The following BCO2 variants were observed in gnomAD, a reference collection of about 807,000 sequenced individuals.
BCO2 encodes the protein beta-carotene oxygenase 2.
Under a neutral mutation model 65.8 loss-of-function variants are expected in BCO2, and 56 were observed. That is an observed-to-expected ratio of 0.85 (90% confidence interval 0.69 to 1.06). The LOEUF (loss-of-function observed/expected upper bound fraction) is 1.06. Ranked by LOEUF, BCO2 falls within the 50% of genes least tolerant of loss-of-function variation. The pLI, the probability that BCO2 is intolerant of heterozygous loss-of-function variation, is 0.00. For synonymous variants in BCO2, 233 were observed against 242.3 expected (o/e 0.96, Z 0.36); for missense variants, 675 against 698.5 (o/e 0.97, Z 0.38).
At chr11:112,188,269 C>T (rs373965112) in intron 2 of BCO2, among the ~76,000 whole-genome samples, 1 of 152,214 alleles carries the variant, frequency 6.6e-6, no homozygotes, top group Non-Finnish European at 1.5e-5. Flanking sequence ...CTCTCTTTGT[C>T]GCTGTCTACA....
At chr11:112,197,194 T>G (rs1867605694) in intron 5 of BCO2, among the ~76,000 whole-genome samples, 1 of 152,160 alleles carries the variant, frequency 6.6e-6, no homozygotes, top group Admixed American at 6.5e-5. Flanking sequence ...TCTTTCCAGT[T>G]GCTAAGGACA....
intron 1 of BCO2, among the ~76,000 whole-genome samples, chr11:112,177,204 T>C (rs1866909335): frequency 6.6e-6 from 1 of 152,196 alleles, no homozygotes; most frequent in Non-Finnish European, 1.5e-5. Flanking sequence ...ATAATGTTAA[T>C]AAAAGTAGAG....
chr11:112,182,456 G>A (rs1376775103), intron 2 of BCO2, among the ~76,000 whole-genome samples: 1 of 152,142 alleles, frequency 6.6e-6, no homozygotes, highest in African/African-American at 2.4e-5. Flanking sequence ...CAACCCAAAT[G>A]TCCATCAATG....
At chr11:112,176,168 A>G (rs1323515398) in intron 1 of BCO2, 1 of 154,688 alleles carries the variant, frequency 6.5e-6, no homozygotes, top group Non-Finnish European at 1.4e-5. Context: ...AAATCATACT[A>G]ATATGCACTA....
At chr11:112,210,862 T>C (rs1206447107) in intron 8 of BCO2, among the ~76,000 whole-genome samples, 1 of 152,148 alleles carries the variant, frequency 6.6e-6, no homozygotes, top group African/African-American at 2.4e-5. Flanking sequence ...ATTATAATTA[T>C]GCAAGACATT....
Position 112,216,237 on chromosome 11 carries a change from C to T in BCO2, c.1533C>T (p.Gly511=). ...NKTLKVWRED[G]FYPSEPVFVP... ...ACTTGCAGGTTTGGAGAGAAGATGG[C>T]TTTTATCCCTCAGAACCTGTTTTTG... is the stretch of plus-strand genomic sequence containing the variant. The change falls in exon 11 of 12, where the codon GGC becomes GGT. Residue 511 remains glycine (G), a synonymous_variant. Coordinates refer to ENST00000357685, the MANE Select transcript of BCO2 (RefSeq NM_031938.7). 6.2e-7 allele frequency: 1 copy of T among 1,614,046 alleles called. No homozygotes were observed. Among genetic ancestry groups the T allele is most frequent in the African/African-American group, 1.3e-5 (1 of 75,046 alleles).
chr11:112,215,102 T>C lies in BCO2; in HGVS notation c.1515+158T>C. 6 of 693,606 alleles carry C rather than the reference T, an allele frequency of 8.7e-6. No homozygotes were observed. In the South Asian group the frequency reaches 1.1e-4, roughly 13 times the overall value. The allele number at this position is 693,606 out of a possible 1,614,324, so 43.0% of individuals were successfully genotyped here. A position where few individuals can be genotyped will look rare whatever the true frequency, so the allele number is the denominator to read the frequency against. ...ACTATGAAATCATCTAAGTTAGGGG[T>C]ATGTTCCTTCTAGGGAATCCAAATT... On this transcript the variant is annotated intron_variant, in intron 10 of 11. Coordinates refer to ENST00000357685, the MANE Select transcript of BCO2 (RefSeq NM_031938.7).
At chr11:112,216,173 CTACT>C in intron 10 of BCO2, 43 bp from the exon 11 acceptor site, 1 of 1,302,748 alleles carries the variant, frequency 7.7e-7, no homozygotes, top group Non-Finnish European at 1.1e-6. Context: ...AGAAAGCTCC[CTACT>C]TACTACTTGC....
intron 9 of BCO2, among the ~76,000 whole-genome samples, chr11:112,214,257 C>G (rs951695973): frequency 1.2e-3 from 176 of 152,308 alleles, no homozygotes; most frequent in African/African-American, 4.1e-3. Context: ...AGCAATTCTC[C>G]TGCCTCAGCC....
chr11:112,208,926 C>T (rs1290076416), intron 8 of BCO2: 1 of 157,772 alleles, frequency 6.3e-6, no homozygotes, highest in Non-Finnish European at 1.4e-5. Flanking sequence ...TGTCATCAGA[C>T]AAAAGAATTA....
chr11:112,216,275 G>A lies in BCO2; in HGVS notation c.1571G>A (p.Gly524Glu), dbSNP rs760414114. 5.6e-6 allele frequency: 9 copies of A among 1,614,156 alleles called. No individual in the cohort carries two copies. In the South Asian group the frequency reaches 9.9e-5, roughly 18 times the overall value. The change falls in exon 11 of 12, where the codon GGA becomes GAA. Residue 524 changes from glycine to glutamate, a missense_variant. Transcript: ENST00000357685. Reference protein sequence around the residue: ...PSEPVFVPAPGTNEEDGGVIL... With the variant: ...PSEPVFVPAPETNEEDGGVIL... Reference sequence around the variant, plus strand: ...GAACCTGTTTTTGTTCCAGCACCAGGAACCAATGAAGAAGATGGTGGGGTT... The same window carrying A: ...GAACCTGTTTTTGTTCCAGCACCAGAAACCAATGAAGAAGATGGTGGGGTT...
At chr11:112,208,041 C>A (rs529810181) in intron 8 of BCO2, among the ~76,000 whole-genome samples, 1 of 151,546 alleles carries the variant, frequency 6.6e-6, no homozygotes, top group Non-Finnish European at 1.5e-5. Context: ...CTCACTGCAA[C>A]CTCTGCCTCC....
At chr11:112,189,842 A>C (rs929194553) in intron 2 of BCO2, among the ~76,000 whole-genome samples, 1 of 152,224 alleles carries the variant, frequency 6.6e-6, no homozygotes, top group African/African-American at 2.4e-5. Flanking sequence ...AGATAGTCCC[A>C]ATACTTTATA....
intron 5 of BCO2, among the ~76,000 whole-genome samples, chr11:112,196,215 C>G (rs141708450): frequency 0.01 from 1,535 of 152,132 alleles, 15 homozygotes; most frequent in Non-Finnish European, 0.015. Flanking sequence ...GGAAATTCAT[C>G]TCTTTATCTT....
intron 2 of BCO2, among the ~76,000 whole-genome samples, chr11:112,189,714 G>A (rs1389075133): frequency 6.6e-6 from 1 of 152,068 alleles, no homozygotes; most frequent in African/African-American, 2.4e-5. Context: ...AGAGAGGGAA[G>A]TTTTAAGTAG....
At position 112,213,853 on chromosome 11, in the gene BCO2, G is replaced by A. The variant is rs753828446; in HGVS notation, c.1324G>A (p.Asp442Asn). ...TTCAGCCAGTGCTGTGAAACAGGCT[G>A]ATGGAACGGTATGCTATGAACAGAC... ...YTSASAVKQA[D>N]GTIWCSHENL... Residue 442 changes from aspartate to asparagine, a missense_variant, in exon 9 of 12, where the codon GAT becomes AAT. By Grantham distance (23) the Asp-to-Asn change is conservative. Coordinates refer to ENST00000357685, the MANE Select transcript of BCO2 (RefSeq NM_031938.7). 6.2e-7 allele frequency: 1 copy of A among 1,611,400 alleles called. No homozygotes were observed. The highest frequency in any genetic ancestry group is 1.1e-5 in the South Asian group (1 of 90,836).
intron 8 of BCO2, among the ~76,000 whole-genome samples, chr11:112,210,707 G>A (rs540198802): frequency 2.0e-5 from 3 of 151,914 alleles, no homozygotes; most frequent in Non-Finnish European, 4.4e-5. Context: ...GAGTGGCGTG[G>A]TGGGTACATG....
intron 2 of BCO2, among the ~76,000 whole-genome samples, chr11:112,185,742 T>G (rs1331156354): frequency 6.6e-6 from 1 of 152,244 alleles, no homozygotes; most frequent in Non-Finnish European, 1.5e-5. Flanking sequence ...CAGGAATTAT[T>G]GTTTTTTAAA....
intron 2 of BCO2, among the ~76,000 whole-genome samples, chr11:112,191,461 T>C (rs144916190): frequency 6.6e-6 from 1 of 152,236 alleles, no homozygotes; most frequent in East Asian, 1.9e-4. Context: ...TAAAACACCC[T>C]TGGAAGACAA....
Sources: allele counts gnomAD v4.1 joint callset (sites outside exome capture counted in the v4.1 genomes callset), GRCh38; gene constraint gnomAD v4.1.1; transcripts MANE v1.5; gene names NCBI Gene and HGNC (gene_info 2026-07-23, HGNC 2026-07-21).